ACOXL: variants seen among roughly 807,000 people sequenced by gnomAD.
ACOXL encodes acyl-CoA oxidase like, also known as acyl-coenzyme A oxidase-like protein.
A neutral mutation model predicts 71.9 loss-of-function variants in ACOXL; 70 were observed. That is an observed-to-expected ratio of 0.97 (90% CI 0.80 to 1.19). The LOEUF (loss-of-function observed/expected upper bound fraction) is 1.19, where lower values mean the gene tolerates loss of function less well. Ranked by LOEUF, ACOXL falls within the 50% of genes most tolerant of loss-of-function variation. ACOXL has a pLI of 0.00. For synonymous variants in ACOXL, 253 were observed against 281.6 expected, an observed-to-expected ratio of 0.90 and a Z score of 1.02; for missense variants, 703 against 736.3, an observed-to-expected ratio of 0.95 and a Z score of 0.52.
chr2:110,745,073 A>C (rs1025689924), intron 1 of ACOXL, among the ~76,000 whole-genome samples: 4 of 152,184 alleles, frequency 2.6e-5, no homozygotes, highest in African/African-American at 9.7e-5. Flanking sequence ...TGTTGCTTGC[A>C]ACCCTAAGCA....
chr2:111,043,238 C>T lies in ACOXL; in HGVS notation c.1370-5980C>T, dbSNP rs185197099. On this transcript the variant is annotated intron_variant, in intron 15 of 17. Transcript: ENST00000439055. The stretch of plus-strand genomic sequence containing the variant: ...GTGGAGGTCCCCCGAGGGCCAGCTC[C>T]ACACCCCCCACCACATCTCAACGTG... Among the ~76,000 whole-genome samples the T allele has an allele frequency of 2.0e-5, 3 of 152,290 alleles. No individual in the cohort carries two copies. In the East Asian group the frequency reaches 5.8e-4, roughly 29 times the overall value.
Position 110,768,402 on chromosome 2 carries a change from A to C in ACOXL, c.13A>C (p.Thr5Pro), listed in dbSNP as rs762716278. MRALTVQRVKFAMDL... is the reference protein window; with the variant it reads MRALPVQRVKFAMDL... ...AAGCTTGGATGAAATGAGAGCTTTG[A>C]CAGTTCAGAGAGTGAAGTTTGCCAT... Residue 5 changes from threonine to proline, a missense_variant, in exon 2 of 18, where the codon ACA becomes CCA. By Grantham distance (38) the Thr-to-Pro change is conservative (BLOSUM62 -1). Transcript: ENST00000439055. 3 of 1,613,872 alleles carry C rather than the reference A, an allele frequency of 1.9e-6. No individual in the cohort carries two copies. Among genetic ancestry groups the C allele is most frequent in the Admixed American group, 3.3e-5 (2 of 59,978 alleles).
chr2:111,093,467 T>C, intron 17 of ACOXL: 2 of 1,614,076 alleles, frequency 1.2e-6, no homozygotes, highest in South Asian at 2.2e-5. Flanking sequence ...AACACATTTC[T>C]GATTACATCC....
At chr2:111,038,273 C>G (rs2065617914) in intron 15 of ACOXL, among the ~76,000 whole-genome samples, 1 of 152,246 alleles carries the variant, frequency 6.6e-6, no homozygotes, top group African/African-American at 2.4e-5. Context: ...CAGCAGGCTG[C>G]TACCATCTGC....
At position 110,746,232 on chromosome 2, in the gene ACOXL, T is replaced by G. The variant is rs971746001; in HGVS notation, c.-23+13458T>G. Among the ~76,000 whole-genome samples, 5 of 152,132 alleles carry G rather than the reference T, an allele frequency of 3.3e-5. 1 individual carries two copies. The highest frequency in any genetic ancestry group is 7.4e-5 in the Non-Finnish European group (5 of 68,024). On this transcript the variant is annotated intron_variant, in intron 1 of 17. Coordinates refer to ENST00000439055, the MANE Select transcript of ACOXL (RefSeq NM_001142807.4). ...CCGTCCTTCTCTTCATAACAATGCCTTTACGGAACATATGCAAACCTCTGT... is the reference window on the plus strand; with the variant it reads ...CCGTCCTTCTCTTCATAACAATGCCGTTACGGAACATATGCAAACCTCTGT...
chr2:110,948,703 TAAA>T (rs5833377), intron 12 of ACOXL, among the ~76,000 whole-genome samples: 28 of 70,812 alleles, frequency 4.0e-4, no homozygotes, highest in Middle Eastern at 0.012. Flanking sequence ...CCAGAAGAAC[TAAA>T]AAAAAAAAAA....
chr2:110,970,122 C>G (rs1299648735), intron 12 of ACOXL, among the ~76,000 whole-genome samples: 3 of 151,964 alleles, frequency 2.0e-5, no homozygotes, highest in Non-Finnish European at 4.4e-5. Flanking sequence ...GAGAGGTACT[C>G]CTTGATTATT....
rs771120122 is a variant in ACOXL at position 110,963,594 on chromosome 2, TGTGTGTGTG to T, written c.1060-23513_1060-23505del. ...GTGTGTGTGTGTGTGTGTGTGTGTG[TGTGTGTGTG>T]TTTTTCTCTTTCTGCAACAGGGTTA... On this transcript the variant is annotated intron_variant, in intron 12 of 17. Coordinates refer to ENST00000439055, the MANE Select transcript of ACOXL (RefSeq NM_001142807.4). 7.6e-3 allele frequency: 12,090 copies of T among 1,596,864 alleles called. 456 individuals are homozygous for T. The African/African-American group carries it at 0.12, about 16-fold the overall frequency.
intron 13 of ACOXL, among the ~76,000 whole-genome samples, chr2:110,995,045 T>G (rs1054927761): frequency 1.3e-5 from 2 of 149,036 alleles, no homozygotes; most frequent in East Asian, 3.9e-4. Flanking sequence ...TATAATATAT[T>G]TAATAAGTAT....
At chr2:110,999,206 T>C (rs902555750) in intron 14 of ACOXL, among the ~76,000 whole-genome samples, 1 of 152,138 alleles carries the variant, frequency 6.6e-6, no homozygotes. Flanking sequence ...CCCCGCTTGC[T>C]ACCTCTCATG....
chr2:110,851,973 C>A (rs180780519), intron 10 of ACOXL, among the ~76,000 whole-genome samples: 2 of 152,118 alleles, frequency 1.3e-5, no homozygotes, highest in South Asian at 4.1e-4. Context: ...GAGAGCAGGA[C>A]GGAGAGAGAA....
At chr2:110,936,925 A>G (rs2880191) in intron 12 of ACOXL, among the ~76,000 whole-genome samples, 101,819 of 150,836 alleles carry the variant, frequency 0.68, 34,977 homozygotes, top group East Asian at 0.84. Context: ...TTGGCTCACC[A>G]CAACCTCCGC....
At chr2:111,103,156 G>T (rs933515699) in intron 17 of ACOXL, among the ~76,000 whole-genome samples, 1 of 152,104 alleles carries the variant, frequency 6.6e-6, no homozygotes, top group Non-Finnish European at 1.5e-5. Flanking sequence ...TTAGCCAGGC[G>T]TGGTGGCATG....
At chr2:111,026,206 A>G (rs1252938434) in intron 14 of ACOXL, among the ~76,000 whole-genome samples, 1 of 152,122 alleles carries the variant, frequency 6.6e-6, no homozygotes, top group African/African-American at 2.4e-5. Flanking sequence ...GAATCCTCCA[A>G]TGCTTCTTTT....
chr2:110,899,338 C>A (rs1443791038), intron 10 of ACOXL, among the ~76,000 whole-genome samples: 1 of 152,206 alleles, frequency 6.6e-6, no homozygotes, highest in East Asian at 1.9e-4. Context: ...GTGACGGGAA[C>A]CTGGAGAATG....
chr2:110,963,577 G>C (rs977307865), intron 12 of ACOXL: 2 of 1,169,324 alleles, frequency 1.7e-6, no homozygotes, highest in Non-Finnish European at 2.4e-6. Context: ...GTGTGTGTGT[G>C]TGTGTGTGTG....
At chr2:110,873,081 G>A (rs1695464864) in intron 10 of ACOXL, among the ~76,000 whole-genome samples, 1 of 152,170 alleles carries the variant, frequency 6.6e-6, no homozygotes, top group Admixed American at 6.5e-5. Context: ...CAAATGTGCT[G>A]GGTTCCTCCG....
At chr2:110,958,266 T>C (rs1220552895) in intron 12 of ACOXL, among the ~76,000 whole-genome samples, 1 of 152,146 alleles carries the variant, frequency 6.6e-6, no homozygotes, top group Non-Finnish European at 1.5e-5. Context: ...AATGAAGCGA[T>C]TCCCAACAGA....
At chr2:110,834,661 A>G (rs1216790845) in intron 9 of ACOXL, among the ~76,000 whole-genome samples, 2 of 152,114 alleles carry the variant, frequency 1.3e-5, no homozygotes, top group African/African-American at 4.8e-5. Context: ...GCCCATAACC[A>G]TTGCCAGGTT....
Sources: gnomAD v4.1 joint callset for allele counts (sites outside exome capture counted in the v4.1 genomes callset) on GRCh38, gnomAD v4.1.1 for gene constraint, MANE v1.5 for transcripts, NCBI Gene and HGNC (gene_info 2026-07-23, HGNC 2026-07-21) for gene names.